The following RBFOX1 variants were observed in gnomAD, a reference collection of about 807,000 sequenced individuals.
RBFOX1 encodes RNA binding fox-1 homolog 1.
Under a neutral mutation model 57.7 loss-of-function variants are expected in RBFOX1, and 8 were observed. The observed-to-expected ratio is 0.14, with a 90% CI of 0.08 to 0.25. The LOEUF (loss-of-function observed/expected upper bound fraction) is 0.25, where lower values mean the gene tolerates loss of function less well. Among genes scored for constraint, RBFOX1 ranks in the 10% least tolerant of loss-of-function variants. The probability of loss-of-function intolerance (pLI) is 1.00; values close to 1 mark genes in which losing one functional copy is unlikely to be tolerated. For synonymous variants in RBFOX1, 326 were observed against 222.4 expected (o/e 1.47, Z -4.15); for missense variants, 611 against 548.5 (o/e 1.11, Z -1.14).
Position 6,478,066 on chromosome 16 carries a change from C to G in RBFOX1, c.-64+161009C>G, listed in dbSNP as rs571760754. Among the ~76,000 whole-genome samples the G allele has an allele frequency of 2.6e-5, 4 of 152,044 alleles. No individual in the cohort carries two copies. The South Asian group carries it at 6.2e-4, about 24-fold the overall frequency. ...AGAATGTTGTGGCTGGTTTGATCTT[C>G]CATCTAAACCACTAATACTCCACAC... On this transcript the variant is annotated intron_variant, in intron 2 of 15. Coordinates refer to ENST00000550418, the MANE Select transcript of RBFOX1 (RefSeq NM_018723.4).
At chr16:5,845,274 G>T (rs989192686) in intron 3 of RBFOX1, among the ~76,000 whole-genome samples, 1 of 152,034 alleles carries the variant, frequency 6.6e-6, no homozygotes, top group South Asian at 2.1e-4. Flanking sequence ...TTCCACCACC[G>T]TTATCTGTTC....
intron 10 of RBFOX1, among the ~76,000 whole-genome samples, chr16:7,622,332 G>C (rs1235501007): frequency 6.6e-6 from 1 of 152,176 alleles, no homozygotes; most frequent in Non-Finnish European, 1.5e-5. Context: ...GATGATCTAA[G>C]TTAAAGTTGA....
chr16:6,914,654 G>C (rs2072643982), intron 3 of RBFOX1, among the ~76,000 whole-genome samples: 2 of 152,112 alleles, frequency 1.3e-5, no homozygotes, highest in South Asian at 4.1e-4. Flanking sequence ...CAGGAGGATT[G>C]CTTGAGGCCA....
chr16:5,272,777 G>T (rs1039026941), intron 1 of RBFOX1, among the ~76,000 whole-genome samples: 3 of 152,028 alleles, frequency 2.0e-5, no homozygotes, highest in African/African-American at 7.3e-5. Context: ...CTCTGTCATG[G>T]ATTGCTCTGG....
At chr16:7,642,655 G>A (rs561592806) in intron 11 of RBFOX1, among the ~76,000 whole-genome samples, 4 of 152,180 alleles carry the variant, frequency 2.6e-5, no homozygotes, top group African/African-American at 7.2e-5. Flanking sequence ...GTATGTATAT[G>A]CACTGGATAA....
chr16:6,861,144 C>T (rs2058918664), intron 3 of RBFOX1, among the ~76,000 whole-genome samples: 1 of 152,046 alleles, frequency 6.6e-6, no homozygotes, highest in Non-Finnish European at 1.5e-5. Context: ...CCAGCATCTT[C>T]CGTATTTTTT....
chr16:5,777,997 A>T (rs1401435324), intron 3 of RBFOX1, among the ~76,000 whole-genome samples: 1 of 152,152 alleles, frequency 6.6e-6, no homozygotes, highest in Admixed American at 6.5e-5. Context: ...GAAAACAAAG[A>T]TTCAGGAGCA....
chr16:5,281,829 G>C (rs979870187), intron 1 of RBFOX1, among the ~76,000 whole-genome samples: 1 of 152,208 alleles, frequency 6.6e-6, no homozygotes, highest in African/African-American at 2.4e-5. Context: ...CAAGTGAAGT[G>C]AGTTTCTTGT....
At chr16:6,909,581 C>T (rs1000222141) in intron 3 of RBFOX1, among the ~76,000 whole-genome samples, 1 of 152,200 alleles carries the variant, frequency 6.6e-6, no homozygotes, top group Non-Finnish European at 1.5e-5. Context: ...GGCTCAGCTA[C>T]CTAGAAGCGA....
At chr16:7,601,075 AT>A (rs2094991270) in intron 9 of RBFOX1, among the ~76,000 whole-genome samples, 2 of 152,204 alleles carry the variant, frequency 1.3e-5, no homozygotes, top group African/African-American at 4.8e-5. Flanking sequence ...GATTTCCTGG[AT>A]GCTGGGGAAG....
intron 4 of RBFOX1, among the ~76,000 whole-genome samples, chr16:7,376,365 T>G (rs1400002626): frequency 1.3e-5 from 2 of 152,180 alleles, no homozygotes; most frequent in African/African-American, 4.8e-5. Context: ...AATGTATGAC[T>G]CAACGCAGCA....
At chr16:5,320,861 C>A (rs547321148) in intron 1 of RBFOX1, among the ~76,000 whole-genome samples, 1 of 152,158 alleles carries the variant, frequency 6.6e-6, no homozygotes, top group Non-Finnish European at 1.5e-5. Context: ...GCTGTGTGTG[C>A]GCAGCTGAAC....
At chr16:7,624,875 G>T (rs186231379) in intron 10 of RBFOX1, among the ~76,000 whole-genome samples, 1 of 152,152 alleles carries the variant, frequency 6.6e-6, no homozygotes, top group Admixed American at 6.5e-5. Flanking sequence ...TTGGTTTTGC[G>T]CCGATTGGAT....
chr16:6,218,829 C>T (rs1193879508), intron 1 of RBFOX1, among the ~76,000 whole-genome samples: 1 of 145,244 alleles, frequency 6.9e-6, no homozygotes, highest in South Asian at 2.3e-4. Context: ...TTAGTTAAGT[C>T]CCAAATGGAG....
intron 3 of RBFOX1, among the ~76,000 whole-genome samples, chr16:6,684,158 C>A (rs2059083503): frequency 6.6e-6 from 1 of 152,126 alleles, no homozygotes. Context: ...TATGGTTCGA[C>A]TTTAGGATCT....
intron 3 of RBFOX1, among the ~76,000 whole-genome samples, chr16:6,847,989 C>T (rs958990376): frequency 1.3e-5 from 2 of 151,936 alleles, no homozygotes; most frequent in Non-Finnish European, 2.9e-5. Context: ...GCCACCATGC[C>T]CGGCTAATTT....
At chr16:7,641,475 A>G (rs1034451392) in intron 11 of RBFOX1, among the ~76,000 whole-genome samples, 1 of 152,230 alleles carries the variant, frequency 6.6e-6, no homozygotes, top group African/African-American at 2.4e-5. Flanking sequence ...TTCAGAACCA[A>G]ACACCACACC....
intron 1 of RBFOX1, among the ~76,000 whole-genome samples, chr16:6,145,186 C>T (rs2096748453): frequency 6.6e-6 from 1 of 151,992 alleles, no homozygotes; most frequent in Admixed American, 6.6e-5. Flanking sequence ...CTCCCATTTC[C>T]CACCCTCCAC....
At chr16:7,597,335 A>G (rs2094757143) in intron 8 of RBFOX1, 36 bp from the exon 9 acceptor site, 2 of 1,521,426 alleles carry the variant, frequency 1.3e-6, no homozygotes, top group Non-Finnish European at 1.8e-6. Context: ...AGCTGGCCCT[A>G]GAATATGTGC....
Sources: gnomAD v4.1 joint callset for allele counts (sites outside exome capture counted in the v4.1 genomes callset) on GRCh38, gnomAD v4.1.1 for gene constraint, MANE v1.5 for transcripts, NCBI Gene and HGNC (gene_info 2026-07-23, HGNC 2026-07-21) for gene names.